The following ATP2C1 variants were observed in gnomAD, a reference collection of about 807,000 sequenced individuals.
ATP2C1 encodes ATPase secretory pathway Ca2+ transporting 1.
ATP2C1 carries 31 observed loss-of-function variants against 120.5 expected under a neutral mutation model. That is an observed-to-expected ratio of 0.26 (90% CI 0.19 to 0.35). The LOEUF is 0.35. ATP2C1 is among the 10% of genes least tolerant of loss of function. ATP2C1 has a pLI of 1.00. For synonymous variants in ATP2C1, 351 were observed against 358.7 expected (o/e 0.98, Z 0.24); for missense variants, 731 against 1,107.5 (o/e 0.66, Z 4.83).
At chr3:130,898,651 C>T (rs1359186697) in intron 2 of ATP2C1, among the ~76,000 whole-genome samples, 1 of 152,160 alleles carries the variant, frequency 6.6e-6, no homozygotes, top group Non-Finnish European at 1.5e-5. Flanking sequence ...AACCTTCTGA[C>T]AGTTGGATTC....
rs537272806 is a variant in ATP2C1 at position 130,856,437 on chromosome 3, C to T, written c.108+5509C>T. 3.3e-5 allele frequency among the ~76,000 whole-genome samples: 5 copies of T among 152,266 alleles called. No individual in the cohort carries two copies. The East Asian group carries it at 7.7e-4, about 23-fold the overall frequency. ...GAGGTTGCTGATGTAGGCTCTGATT[C>T]TCTAGGTAAAATGATAGACGTTTCA... is the stretch of plus-strand genomic sequence containing the variant. On this transcript the variant is annotated intron_variant, in intron 1 of 26. Coordinates refer to the ATP2C1 transcript ENST00000504381.
chr3:131,015,854 C>A (rs2063598813), intron 26 of ATP2C1: 1 of 484,036 alleles, frequency 2.1e-6, no homozygotes, highest in African/African-American at 2.0e-5. Context: ...TGTATCCTAC[C>A]AATGATTGCC....
chr3:130,928,786 A>G (rs1048533596), intron 2 of ATP2C1, among the ~76,000 whole-genome samples: 7 of 152,314 alleles, frequency 4.6e-5, no homozygotes, highest in Middle Eastern at 3.4e-3. Flanking sequence ...AAGAGATTTT[A>G]TTGATCTGTC....
intron 19 of ATP2C1, 99 bp downstream of exon 19, chr3:130,979,518 A>G (rs2061664325): frequency 7.9e-6 from 10 of 1,270,242 alleles, no homozygotes; most frequent in African/African-American, 1.5e-5. Context: ...TTTATGTAAT[A>G]TTGAGATTAT....
intron 19 of ATP2C1, among the ~76,000 whole-genome samples, chr3:130,979,749 C>T (rs2108774997): frequency 6.6e-6 from 1 of 152,170 alleles, no homozygotes; most frequent in Admixed American, 6.5e-5. Context: ...CTTAGTTTTT[C>T]CTTTCAACTT....
chr3:130,865,622 G>A (rs1021458462), intron 1 of ATP2C1, among the ~76,000 whole-genome samples: 2 of 152,126 alleles, frequency 1.3e-5, no homozygotes, highest in East Asian at 1.9e-4. Context: ...CAGTCTTCCC[G>A]GAGCTATTCT....
chr3:130,893,940 C>T (rs1295689988), upstream of ATP2C1: 12 of 985,604 alleles, frequency 1.2e-5, no homozygotes, highest in Non-Finnish European at 1.4e-5. Context: ...CTTCCCAGCC[C>T]GTGAACACGA....
intron 1 of ATP2C1, among the ~76,000 whole-genome samples, chr3:130,872,105 C>G (rs1320755150): frequency 1.3e-5 from 2 of 151,312 alleles, no homozygotes; most frequent in Non-Finnish European, 2.9e-5. Context: ...TTTATATCAT[C>G]TTCGATAGCT....
intron 22 of ATP2C1, among the ~76,000 whole-genome samples, chr3:130,994,511 C>A (rs2062508638): frequency 6.6e-6 from 1 of 151,918 alleles, no homozygotes; most frequent in Admixed American, 6.6e-5. Context: ...ATTCATCTTG[C>A]CCTCATTTAA....
chr3:131,009,988 G>C lies in ATP2C1; in HGVS notation c.2630-6164G>C, dbSNP rs557905487. On this transcript the variant is annotated intron_variant, in intron 26 of 26. Coordinates refer to the ATP2C1 transcript ENST00000328560. ...TGGTAGTGACAGCTTTCCAGGTGCT[G>C]CTCAGGTAAATGGTACACCAGCCAG... Among the ~76,000 whole-genome samples the C allele has an allele frequency of 2.2e-4, 34 of 152,146 alleles. No individual in the cohort carries two copies. The South Asian group carries it at 4.4e-3, about 20-fold the overall frequency.
At chr3:130,920,404 T>C (rs181488264) in intron 2 of ATP2C1, among the ~76,000 whole-genome samples, 6 of 152,198 alleles carry the variant, frequency 3.9e-5, no homozygotes, top group African/African-American at 1.2e-4. Context: ...TTTTTACATG[T>C]AGATATGAAG....
chr3:130,898,265 A>G (rs958272163), intron 2 of ATP2C1, among the ~76,000 whole-genome samples: 1 of 152,272 alleles, frequency 6.6e-6, no homozygotes, highest in African/African-American at 2.4e-5. Flanking sequence ...CAATGCCCCA[A>G]TCTTTTTTGT....
chr3:130,864,383 C>A (rs1407873720), intron 1 of ATP2C1, among the ~76,000 whole-genome samples: 1 of 152,210 alleles, frequency 6.6e-6, no homozygotes, highest in Non-Finnish European at 1.5e-5. Context: ...ATAAGGGAAG[C>A]AGAGCATAAA....
At chr3:130,879,251 T>A (rs1159140290) in intron 1 of ATP2C1, among the ~76,000 whole-genome samples, 1 of 152,154 alleles carries the variant, frequency 6.6e-6, no homozygotes, top group Non-Finnish European at 1.5e-5. Flanking sequence ...TATTTTTTAA[T>A]AGAGGCAGCG....
chr3:130,893,828 A>G (rs2069303990), upstream of ATP2C1: 3 of 655,928 alleles, frequency 4.6e-6, no homozygotes, highest in Admixed American at 6.3e-5. Flanking sequence ...CGCCAGCAAG[A>G]ACAAGGCGGG....
Position 130,940,597 on chromosome 3 carries a change from A to G in ATP2C1, c.361-33A>G, listed in dbSNP as rs370467554. On this transcript the variant is annotated intron_variant, in intron 6 of 27. Coordinates refer to ENST00000510168, the MANE Select transcript of ATP2C1 (RefSeq NM_001378687.1). ...CTAAATGGAATATATTCATGGGAGCAAAATTAAATTCTACTTTTTTTTGTT... is the reference window on the plus strand; with the variant it reads ...CTAAATGGAATATATTCATGGGAGCGAAATTAAATTCTACTTTTTTTTGTT... The G allele has an allele frequency of 2.7e-6, 4 of 1,455,632 alleles. No individual in the cohort carries two copies. In the African/African-American group the frequency reaches 5.6e-5, roughly 20 times the overall value. The allele number at this position is 1,455,632 out of a possible 1,614,324, so 90.2% of individuals were successfully genotyped here.
In ATP2C1 at chr3:130,975,401, A is replaced by G. The variant is rs1427775702; in HGVS notation, c.1483A>G (p.Ser495Gly). The G allele has an allele frequency of 6.2e-7, 1 of 1,613,912 alleles. No individual in the cohort carries two copies. The highest frequency in any genetic ancestry group is 8.5e-7 in the Non-Finnish European group (1 of 1,179,848). ...QVIKYCTTYQ[S>G]KGQTLTLTQQ... ...AATTAAGTACTGTACTACATACCAG[A>G]GCAAAGGGCAGACCTTGACACTTAC... The change falls in exon 18 of 28, where the codon AGC becomes GGC. Residue 495 changes from serine to glycine, a missense_variant. Coordinates refer to ENST00000510168, the MANE Select transcript of ATP2C1 (RefSeq NM_001378687.1).
intron 7 of ATP2C1, 66 bp downstream of exon 7, chr3:130,940,757 C>T (rs1019617413): frequency 4.5e-5 from 53 of 1,181,406 alleles, no homozygotes; most frequent in African/African-American, 1.8e-4. Context: ...TGACTAGTAC[C>T]GTACATATTG....
chr3:130,894,188 C>A lies in ATP2C1; in HGVS notation c.-330C>A. 1.0e-6 allele frequency: 1 copy of A among 968,788 alleles called. No individual in the cohort carries two copies. Among genetic ancestry groups the A allele is most frequent in the South Asian group, 4.8e-5 (1 of 21,036 alleles). 60.0% of individuals were successfully genotyped at this position (968,788 alleles called of 1,614,324 possible). A position where few individuals can be genotyped will look rare whatever the true frequency, so the allele number is the denominator to read the frequency against. Reference sequence around the variant, plus strand: ...GCCCTCTCTCCCTCCCTTCCTCCCTCCCGCTCGCTTCTTCTCACGCCGGGA... The same window carrying A: ...GCCCTCTCTCCCTCCCTTCCTCCCTACCGCTCGCTTCTTCTCACGCCGGGA... On this transcript the variant is annotated 5_prime_UTR_variant, in exon 1 of 28. Transcript: ENST00000510168. The surrounding 1 kb of genome is among the most constrained non-coding windows in gnomAD (Gnocchi z 4.5).
Sources: gnomAD v4.1 joint callset for allele counts (sites outside exome capture counted in the v4.1 genomes callset) on GRCh38, gnomAD v4.1.1 for gene constraint, Gnocchi (gnomAD v3.1) non-coding constraint, MANE v1.5 for transcripts, NCBI Gene and HGNC (gene_info 2026-07-23, HGNC 2026-07-21) for gene names.